Variants in KCNK3 observed in about 807,000 individuals in gnomAD.
KCNK3 encodes the protein potassium two pore domain channel subfamily K member 3.
A neutral mutation model predicts 27.3 loss-of-function variants in KCNK3; 9 were observed. That is an observed-to-expected ratio of 0.33 (90% CI 0.20 to 0.57). The LOEUF (loss-of-function observed/expected upper bound fraction) is 0.57. Ranked by LOEUF, KCNK3 falls within the 20% of genes least tolerant of loss-of-function variation. The pLI, the probability that KCNK3 is intolerant of heterozygous loss-of-function variation, is 0.87. For synonymous variants in KCNK3, 278 were observed against 273.8 expected (o/e 1.02, Z -0.15); for missense variants, 391 against 577.7 (o/e 0.68, Z 3.31).
chr2:26,720,624 G>A (rs1032208306), intron 1 of KCNK3, among the ~76,000 whole-genome samples: 1 of 152,174 alleles, frequency 6.6e-6, no homozygotes, highest in Admixed American at 6.5e-5. Flanking sequence ...CCTGTGGATG[G>A]GAGGCAGCTC....
intron 1 of KCNK3, among the ~76,000 whole-genome samples, chr2:26,697,773 C>T (rs1356764625): frequency 6.6e-6 from 1 of 152,118 alleles, no homozygotes; most frequent in Non-Finnish European, 1.5e-5. Flanking sequence ...ACCTTCTGTT[C>T]CGCTCTTTCC....
chr2:26,694,206 G>A (rs1241219750), intron 1 of KCNK3, among the ~76,000 whole-genome samples: 1 of 152,134 alleles, frequency 6.6e-6, no homozygotes, highest in Non-Finnish European at 1.5e-5. Flanking sequence ...AGGAGGGGTG[G>A]CCAAAATGAT....
At chr2:26,698,246 G>A (rs1483358121) in intron 1 of KCNK3, among the ~76,000 whole-genome samples, 1 of 151,884 alleles carries the variant, frequency 6.6e-6, no homozygotes, top group East Asian at 1.9e-4. Flanking sequence ...ACCTCAGTTG[G>A]CATTTCCTTC....
In KCNK3 at chr2:26,706,315, G is replaced by A. The variant is rs368861348; in HGVS notation, c.283+13157G>A. On this transcript the variant is annotated intron_variant, in intron 1 of 1. Coordinates refer to ENST00000302909, the MANE Select transcript of KCNK3 (RefSeq NM_002246.3). The stretch of plus-strand genomic sequence containing the variant: ...CCTCCCCCCCAGAGGAGGAGCTGGA[G>A]AGGGCCTCAGTAGGGGTCCTGGGGT... 9.2e-5 allele frequency among the ~76,000 whole-genome samples: 14 copies of A among 152,292 alleles called. No homozygotes were observed. The East Asian group carries it at 2.3e-3, about 25-fold the overall frequency.
rs1558605545 is a variant in KCNK3 at position 26,728,758 on chromosome 2, C to T, written c.*190C>T. On this transcript the variant is annotated 3_prime_UTR_variant, in exon 2 of 2. Coordinates refer to ENST00000302909, the MANE Select transcript of KCNK3 (RefSeq NM_002246.3). ...GCAGGAGGCCGGGCTCTGAGGACCC[C>T]TGGGGCCCCCATCGGAGCCCTGCAA... 15 of 456,838 alleles carry T rather than the reference C, an allele frequency of 3.3e-5. 1 individual carries two copies. In the East Asian group the frequency reaches 3.9e-4, roughly 12 times the overall value. The allele number at this position is 456,838 out of a possible 1,614,324, so 28.3% of individuals were successfully genotyped here.
chr2:26,693,959 GCA>G lies in KCNK3; in HGVS notation c.283+820_283+821del, dbSNP rs144535989. Among the ~76,000 whole-genome samples, 42 of 150,630 alleles carry G rather than the reference GCA, an allele frequency of 2.8e-4. No individual in the cohort carries two copies. Among genetic ancestry groups the G allele is most frequent in the Middle Eastern group, 3.4e-3 (1 of 292 alleles). On this transcript the variant is annotated intron_variant, in intron 1 of 1. Transcript: ENST00000302909. This position sits in a 1 kb window ranked among gnomAD's most constrained non-coding sequence, Gnocchi z 5.5. ...CACTCACAGGGTACACACAGGGCGG[GCA>G]CACACACACACACACACAGAGAGAG...
chr2:26,714,587 T>A (rs1429873976), intron 1 of KCNK3, among the ~76,000 whole-genome samples: 1 of 84,096 alleles, frequency 1.2e-5, no homozygotes, highest in African/African-American at 4.6e-5. Context: ...CAGAACAACC[T>A]TAAGAGGAGG....
In KCNK3 at chr2:26,727,848, C is replaced by T. The variant is rs763917048; in HGVS notation, c.465C>T (p.Ser155=). 1 of 1,613,566 alleles carries T rather than the reference C, an allele frequency of 6.2e-7. No individual in the cohort carries two copies. The highest frequency in any genetic ancestry group is 1.3e-5 in the African/African-American group (1 of 74,954). Residue 155 remains serine, a synonymous_variant, in exon 2 of 2, where the codon TCC becomes TCT. Transcript: ENST00000302909. The part of the protein sequence containing the change: ...KGLGMRRADV[S]MANMVLIGFF... ...TGGGCATGCGGCGCGCCGACGTGTC[C>T]ATGGCCAACATGGTGCTCATCGGCT... is the stretch of plus-strand genomic sequence containing the variant.
intron 1 of KCNK3, chr2:26,724,470 G>T: frequency 1.1e-5 from 5 of 456,704 alleles, no homozygotes; most frequent in Non-Finnish European, 1.2e-5. Context: ...GGCCTCTCTG[G>T]ACTTCATGAC....
At chr2:26,720,721 G>A (rs752337334) in intron 1 of KCNK3, among the ~76,000 whole-genome samples, 1 of 152,158 alleles carries the variant, frequency 6.6e-6, no homozygotes, top group Admixed American at 6.5e-5. Context: ...TGGGGGTAGT[G>A]GGGGGAAGAG....
chr2:26,705,663 AG>A (rs1230304782), intron 1 of KCNK3, among the ~76,000 whole-genome samples: 1 of 152,118 alleles, frequency 6.6e-6, no homozygotes. Context: ...TTGGCCTATG[AG>A]GGGCAAAAAG....
Position 26,729,959 on chromosome 2 carries a change from C to T in KCNK3, c.*1391C>T, listed in dbSNP as rs1488825456. The T allele has an allele frequency of 6.6e-6, 1 of 152,216 alleles. No individual in the cohort carries two copies. Among genetic ancestry groups the T allele is most frequent in the Non-Finnish European group, 1.5e-5 (1 of 68,078 alleles). The allele number at this position is 152,216 out of a possible 1,614,324, so 9.4% of individuals were successfully genotyped here. ...AAAGCTCCTGCAGTGTACATCCTGG[C>T]ATTGTGTGGCTACCTGGGTTTTAAA... On this transcript the variant is annotated 3_prime_UTR_variant, in exon 2 of 2. Transcript: ENST00000302909.
intron 1 of KCNK3, among the ~76,000 whole-genome samples, chr2:26,694,200 G>A (rs1670206389): frequency 6.6e-6 from 1 of 152,172 alleles, no homozygotes; most frequent in Non-Finnish European, 1.5e-5. Context: ...CAGACAAGGA[G>A]GGGTGGCCAA....
At position 26,692,833 on chromosome 2, in the gene KCNK3, G is replaced by A; in HGVS notation, c.-43G>A. 1 of 1,112,498 alleles carries A rather than the reference G, an allele frequency of 9.0e-7. No individual in the cohort carries two copies. The allele number at this position is 1,112,498 out of a possible 1,614,324, so 68.9% of individuals were successfully genotyped here. A position where few individuals can be genotyped will look rare whatever the true frequency, so the allele number is the denominator to read the frequency against. ...GCAGCGGCGGCCGGGGCCGAGGCGCGGGCCGGGGGCGCCGGGGGGCCGGCG... is the reference window on the plus strand; with the variant it reads ...GCAGCGGCGGCCGGGGCCGAGGCGCAGGCCGGGGGCGCCGGGGGGCCGGCG... On this transcript the variant is annotated 5_prime_UTR_variant, in exon 1 of 2. Transcript: ENST00000302909. This position sits in a 1 kb window ranked among gnomAD's most constrained non-coding sequence, Gnocchi z 5.6.
chr2:26,728,556 G>A lies in KCNK3; in HGVS notation c.1173G>A (p.Arg391=). 4.1e-6 allele frequency: 6 copies of A among 1,453,572 alleles called. No homozygotes were observed. Among genetic ancestry groups the A allele is most frequent in the Non-Finnish European group, 5.4e-6 (6 of 1,102,828 alleles). The allele number at this position is 1,453,572 out of a possible 1,614,324, so 90.0% of individuals were successfully genotyped here. A position where few individuals can be genotyped will look rare whatever the true frequency, so the allele number is the denominator to read the frequency against. The change falls in exon 2 of 2, where the codon AGG becomes AGA. Residue 391 remains arginine (R), a synonymous_variant. Coordinates refer to ENST00000302909, the MANE Select transcript of KCNK3 (RefSeq NM_002246.3). ...LSTFRGLMKR[R]SSV is the part of the protein sequence containing the mutation. ...CCTTCCGCGGCCTCATGAAGCGCAG[G>A]AGCTCCGTGTGACTGCCCCGAGGGG...
rs879221554 is a variant in KCNK3 at position 26,728,559 on chromosome 2, C to T, written c.1176C>T (p.Ser392=). Residue 392 remains serine (S), a synonymous_variant, in exon 2 of 2, where the codon AGC becomes AGT. Coordinates refer to ENST00000302909, the MANE Select transcript of KCNK3 (RefSeq NM_002246.3). ...TCCGCGGCCTCATGAAGCGCAGGAG[C>T]TCCGTGTGACTGCCCCGAGGGGCCT... ...STFRGLMKRR[S]SV is the part of the protein sequence containing the mutation. 1.4e-6 allele frequency: 2 copies of T among 1,447,926 alleles called. No homozygotes were observed. Among genetic ancestry groups the T allele is most frequent in the Admixed American group, 2.7e-5 (1 of 37,256 alleles). 89.7% of individuals were successfully genotyped at this position (1,447,926 alleles called of 1,614,324 possible). A position where few individuals can be genotyped will look rare whatever the true frequency, so the allele number is the denominator to read the frequency against.
Position 26,728,630 on chromosome 2 carries a change from G to A in KCNK3, c.*62G>A. 7.4e-7 allele frequency: 1 copy of A among 1,354,802 alleles called. No individual in the cohort carries two copies. The highest frequency in any genetic ancestry group is 9.6e-7 in the Non-Finnish European group (1 of 1,039,560). The allele number at this position is 1,354,802 out of a possible 1,614,324, so 83.9% of individuals were successfully genotyped here. A position where few individuals can be genotyped will look rare whatever the true frequency, so the allele number is the denominator to read the frequency against. ...CGGGGGACCCCTGCTGGGAGGCCAG[G>A]AGACTGCCCCTGCTGCCTTCTGCCC... On this transcript the variant is annotated 3_prime_UTR_variant, in exon 2 of 2. Transcript: ENST00000302909.
chr2:26,718,506 T>C (rs977003589), intron 1 of KCNK3, among the ~76,000 whole-genome samples: 1 of 152,212 alleles, frequency 6.6e-6, no homozygotes, highest in Non-Finnish European at 1.5e-5. Context: ...AAGAGGAAAA[T>C]TAAAATTAAT....
At chr2:26,704,409 C>A (rs1164058236) in intron 1 of KCNK3, among the ~76,000 whole-genome samples, 1 of 152,198 alleles carries the variant, frequency 6.6e-6, no homozygotes, top group African/African-American at 2.4e-5. Flanking sequence ...CCCAAGCGTA[C>A]CCTCCTTGAT....
Sources: gnomAD v4.1 joint callset for allele counts (sites outside exome capture counted in the v4.1 genomes callset) on GRCh38, gnomAD v4.1.1 for gene constraint, Gnocchi (gnomAD v3.1) non-coding constraint, MANE v1.5 for transcripts, NCBI Gene and HGNC (gene_info 2026-07-23, HGNC 2026-07-21) for gene names.